Variants in KCTD9 observed in about 807,000 individuals in gnomAD.
KCTD9 encodes the protein potassium channel tetramerization domain containing 9, also known as BTB/POZ domain-containing protein KCTD9.
A neutral mutation model predicts 53.3 loss-of-function variants in KCTD9; 17 were observed. The ratio of observed to expected loss-of-function variants is 0.32; its 90% CI spans 0.22 to 0.48. The LOEUF (loss-of-function observed/expected upper bound fraction) is 0.48. Among genes scored for constraint, KCTD9 ranks in the 20% least tolerant of loss-of-function variants. The probability of loss-of-function intolerance (pLI) is 0.99; values close to 1 mark genes in which losing one functional copy is unlikely to be tolerated. For synonymous variants in KCTD9, 128 were observed against 162.7 expected, an observed-to-expected ratio of 0.79 and a Z score of 1.62; for missense variants, 179 against 465.5, an observed-to-expected ratio of 0.38 and a Z score of 5.66.
In KCTD9 at chr8:25,458,404, TG is replaced by T. The variant is rs767210342; in HGVS notation, c.-159del. 3.8e-6 allele frequency: 3 copies of T among 785,092 alleles called. No individual in the cohort carries two copies. Among genetic ancestry groups the T allele is most frequent in the Non-Finnish European group, 6.3e-6 (3 of 473,496 alleles). The allele number at this position is 785,092 out of a possible 1,614,324, so 48.6% of individuals were successfully genotyped here. A position where few individuals can be genotyped will look rare whatever the true frequency, so the allele number is the denominator to read the frequency against. On this transcript the variant is annotated 5_prime_UTR_variant, in exon 1 of 12. Coordinates refer to ENST00000221200, the MANE Select transcript of KCTD9 (RefSeq NM_017634.4). ...GGGGACACACCACACGCACGCACTC[TG>T]TCCCACACCCAAGGTTCGGCCGGTC...
rs1801889119 is a variant in KCTD9, at chr8:25,429,363, G to C, written c.*494C>G. On this transcript the variant is annotated 3_prime_UTR_variant, in exon 12 of 12. Coordinates refer to ENST00000221200, the MANE Select transcript of KCTD9 (RefSeq NM_017634.4). ...TGTGACAGGTATTTAAAGAGGGGAG[G>C]CATCACTAAAGCTATTTATAAACCT... The C allele has an allele frequency of 6.5e-6, 1 of 154,198 alleles. No homozygotes were observed. The highest frequency in any genetic ancestry group is 1.4e-5 in the Non-Finnish European group (1 of 69,190). 9.6% of individuals were successfully genotyped at this position (154,198 alleles called of 1,614,324 possible). A position where few individuals can be genotyped will look rare whatever the true frequency, so the allele number is the denominator to read the frequency against.
At chr8:25,441,418 A>C (rs1297990791) in intron 3 of KCTD9, among the ~76,000 whole-genome samples, 1 of 152,166 alleles carries the variant, frequency 6.6e-6, no homozygotes, top group Admixed American at 6.5e-5. Flanking sequence ...TAAAATAATA[A>C]TTGTCCTTAT....
At chr8:25,434,024 T>C (rs1563245063) in intron 9 of KCTD9, among the ~76,000 whole-genome samples, 1 of 152,232 alleles carries the variant, frequency 6.6e-6, no homozygotes, top group Non-Finnish European at 1.5e-5. Flanking sequence ...TTATTAACCC[T>C]GAGCAGGCAC....
chr8:25,433,232 C>T, intron 10 of KCTD9, 98 bp downstream of exon 10: 2 of 606,768 alleles, frequency 3.3e-6, no homozygotes, highest in Non-Finnish European at 5.7e-6. Flanking sequence ...CTATCCCCTA[C>T]AGCTATCCTG....
Position 25,446,124 on chromosome 8 carries a change from G to T in KCTD9, c.170+5C>A. ...GTTGACAGCTTATAAAAAGGTGAAG[G>T]TTACCTGATCAAAGCAATATCATCA... is the stretch of plus-strand genomic sequence containing the variant. On this transcript the variant is annotated splice_donor_5th_base_variant and intron_variant, in intron 2 of 11. Coordinates refer to ENST00000221200, the MANE Select transcript of KCTD9 (RefSeq NM_017634.4). 1 of 1,612,994 alleles carries T rather than the reference G, an allele frequency of 6.2e-7. No individual in the cohort carries two copies. The highest frequency in any genetic ancestry group is 8.5e-7 in the Non-Finnish European group (1 of 1,179,516).
Position 25,439,593 on chromosome 8 carries a change from G to A in KCTD9, c.370+13C>T, listed in dbSNP as rs756452997. ...AGGTAAGATGAAATGTGAAAACAACGTGTTACACTCACCTTTGTCCTTAAA... is the reference window on the plus strand; with the variant it reads ...AGGTAAGATGAAATGTGAAAACAACATGTTACACTCACCTTTGTCCTTAAA... On this transcript the variant is annotated intron_variant, in intron 5 of 11. Coordinates refer to ENST00000221200, the MANE Select transcript of KCTD9 (RefSeq NM_017634.4). The A allele has an allele frequency of 5.6e-6, 9 of 1,613,410 alleles. No homozygotes were observed. The highest frequency in any genetic ancestry group is 2.7e-5 in the African/African-American group (2 of 74,898).
intron 1 of KCTD9, among the ~76,000 whole-genome samples, chr8:25,446,908 T>C (rs1305181341): frequency 6.6e-6 from 1 of 152,166 alleles, no homozygotes; most frequent in Non-Finnish European, 1.5e-5. Context: ...TGACAATGAA[T>C]TGATGTGTCC....
intron 5 of KCTD9, 90 bp downstream of exon 5, chr8:25,439,516 A>T (rs1802078149): frequency 7.1e-6 from 11 of 1,556,812 alleles, no homozygotes; most frequent in Middle Eastern, 3.4e-4. Context: ...AAACTGACAT[A>T]ATTAGTAAGT....
intron 9 of KCTD9, among the ~76,000 whole-genome samples, chr8:25,434,461 CACAA>C (rs985086876): frequency 2.0e-5 from 3 of 151,660 alleles, no homozygotes; most frequent in African/African-American, 7.3e-5. Context: ...TTGTCCTTAA[CACAA>C]ACAAAGATGC....
chr8:25,446,105 A>T, intron 2 of KCTD9, 24 bp downstream of exon 2: 1 of 1,610,820 alleles, frequency 6.2e-7, no homozygotes, highest in Non-Finnish European at 8.5e-7. Context: ...CACTGTTGAC[A>T]GCTTATAAAA....
At position 25,437,847 on chromosome 8, in the gene KCTD9, C is replaced by CAAA. The variant is rs59540797; in HGVS notation, c.500-1365_500-1363dup. 2.8e-3 allele frequency among the ~76,000 whole-genome samples: 178 copies of CAAA among 62,532 alleles called. 7 individuals carry two copies. The highest frequency in any genetic ancestry group is 5.5e-3 in the African/African-American group (78 of 14,084). 41.0% of individuals were successfully genotyped at this position (62,532 alleles called of 152,430 possible). A position where few individuals can be genotyped will look rare whatever the true frequency, so the allele number is the denominator to read the frequency against. Reference sequence around the variant, plus strand: ...TGGGTGACAGAGCGAGACCCTGTCTCAAAAAAAAAAAAAAAAAAAAAAAAA... The same window carrying CAAA: ...TGGGTGACAGAGCGAGACCCTGTCTCAAAAAAAAAAAAAAAAAAAAAAAAAAAA... On this transcript the variant is annotated intron_variant, in intron 6 of 11. Transcript: ENST00000221200.
chr8:25,441,705 T>A (rs766527342), intron 3 of KCTD9, among the ~76,000 whole-genome samples: 1 of 151,760 alleles, frequency 6.6e-6, no homozygotes, highest in Non-Finnish European at 1.5e-5. Flanking sequence ...CTTGAAAAAT[T>A]AAAAAGAAAT....
chr8:25,453,379 GGCACGGTGGCTCAAGCCTGTAATTCCA>G (rs1318601651), intron 1 of KCTD9, among the ~76,000 whole-genome samples: 4 of 151,766 alleles, frequency 2.6e-5, no homozygotes, highest in African/African-American at 4.8e-5. Context: ...GTGAGGGCCG[GGCACGGTGGCTCAAGCCTGTAATTCCA>G]GCACTTTGGG....
intron 6 of KCTD9, among the ~76,000 whole-genome samples, chr8:25,438,451 A>T (rs1802060527): frequency 6.6e-6 from 1 of 152,224 alleles, no homozygotes; most frequent in South Asian, 2.1e-4. Flanking sequence ...TTCAGCATGT[A>T]ATGTTTTCAA....
chr8:25,431,675 G>A (rs564697148), intron 11 of KCTD9, among the ~76,000 whole-genome samples: 5 of 152,196 alleles, frequency 3.3e-5, no homozygotes, highest in South Asian at 2.1e-4. Flanking sequence ...AATTGTGCTC[G>A]TGATAGGATT....
intron 1 of KCTD9, among the ~76,000 whole-genome samples, chr8:25,446,495 G>A (rs1314613025): frequency 6.6e-6 from 1 of 152,196 alleles, no homozygotes. Flanking sequence ...CCTAAGGTGT[G>A]TTAAATAGCG....
intron 2 of KCTD9, among the ~76,000 whole-genome samples, chr8:25,445,352 T>C (rs764846430): frequency 1.3e-4 from 20 of 152,188 alleles, no homozygotes; most frequent in Non-Finnish European, 2.4e-4. Flanking sequence ...CAAAGCAGTA[T>C]ATTATACTGA....
intron 1 of KCTD9, among the ~76,000 whole-genome samples, chr8:25,449,583 G>A (rs889004331): frequency 2.0e-5 from 3 of 152,020 alleles, no homozygotes; most frequent in African/African-American, 4.8e-5. Flanking sequence ...ATTGTCTTCC[G>A]ATGAAAATAA....
intron 2 of KCTD9, among the ~76,000 whole-genome samples, chr8:25,445,704 G>C (rs1358291175): frequency 6.6e-6 from 1 of 151,938 alleles, no homozygotes; most frequent in African/African-American, 2.4e-5. Context: ...TCACTACTTA[G>C]AATTCTATCA....
Sources: gnomAD v4.1 joint callset for allele counts (sites outside exome capture counted in the v4.1 genomes callset) on GRCh38, gnomAD v4.1.1 for gene constraint, MANE v1.5 for transcripts, NCBI Gene and HGNC (gene_info 2026-07-23, HGNC 2026-07-21) for gene names.